The following MAL variants were observed in gnomAD, a reference collection of about 807,000 sequenced individuals.
MAL encodes the protein mal, T cell differentiation protein (MAL blood group).
Under a neutral mutation model 16.7 loss-of-function variants are expected in MAL, and 5 were observed. That is an observed-to-expected ratio of 0.30 (90% CI 0.16 to 0.63). The LOEUF (loss-of-function observed/expected upper bound fraction) is 0.63. Among genes scored for constraint, MAL ranks in the 30% least tolerant of loss-of-function variants. MAL has a pLI of 0.82. For missense variants in MAL, 202 were observed against 195.8 expected, an observed-to-expected ratio of 1.03 and a Z score of -0.19; for synonymous variants, 96 against 85.5, an observed-to-expected ratio of 1.12 and a Z score of -0.67.
chr2:95,053,810 G>C lies in MAL; in HGVS notation c.*355G>C, dbSNP rs940716070. On this transcript the variant is annotated 3_prime_UTR_variant, in exon 4 of 4. Coordinates refer to ENST00000309988, the MANE Select transcript of MAL (RefSeq NM_002371.4). ...TCTGCTGACCCCTGGAGCAGCTCTC[G>C]AGAACTACCTGTTGGTATTGTCCAC... 19 of 258,270 alleles carry C rather than the reference G, an allele frequency of 7.4e-5. No individual in the cohort carries two copies. Among genetic ancestry groups the C allele is most frequent in the Non-Finnish European group, 1.2e-4 (16 of 132,534 alleles). 16.0% of individuals were successfully genotyped at this position (258,270 alleles called of 1,614,324 possible).
chr2:95,044,306 T>C (rs1558660889), intron 1 of MAL: 1 of 152,236 alleles, frequency 6.6e-6, no homozygotes, highest in Non-Finnish European at 1.5e-5. Context: ...GTGATGACAA[T>C]GTTCCAAGAT....
At chr2:95,052,373 G>A (rs1674738287) in intron 3 of MAL, among the ~76,000 whole-genome samples, 2 of 152,300 alleles carry the variant, frequency 1.3e-5, no homozygotes, top group Admixed American at 1.3e-4. Flanking sequence ...CACCTTTTAT[G>A]GAGGGCTGCC....
At chr2:95,037,388 CTGAG>C (rs1324123754) in intron 1 of MAL, among the ~76,000 whole-genome samples, 5 of 86,394 alleles carry the variant, frequency 5.8e-5, no homozygotes, top group Middle Eastern at 0.01. Flanking sequence ...GAGTGATTGA[CTGAG>C]TGAGTGAGTG....
At position 95,053,302 on chromosome 2, in the gene MAL, G is replaced by A. The variant is rs537277954; in HGVS notation, c.388-79G>A. The A allele has an allele frequency of 9.6e-5, 95 of 985,574 alleles. No individual in the cohort carries two copies. In the South Asian group the frequency reaches 1.1e-3, roughly 12 times the overall value. The allele number at this position is 985,574 out of a possible 1,614,324, so 61.1% of individuals were successfully genotyped here. ...CTGGGTCTGGCCCCCCCTACGCCAC[G>A]TGGGGCTGGATGCAGTGCAGACGCT... On this transcript the variant is annotated intron_variant, in intron 3 of 3. Coordinates refer to ENST00000309988, the MANE Select transcript of MAL (RefSeq NM_002371.4).
At chr2:95,048,252 C>A in intron 2 of MAL, 126 bp downstream of exon 2, 1 of 1,047,436 alleles carries the variant, frequency 9.5e-7, no homozygotes, top group Non-Finnish European at 1.4e-6. Flanking sequence ...CACCATGTTC[C>A]AAGGCTGAGC....
chr2:95,039,180 G>T (rs1305627148), intron 1 of MAL, among the ~76,000 whole-genome samples: 2 of 135,858 alleles, frequency 1.5e-5, no homozygotes, highest in South Asian at 2.4e-4. Context: ...GAGTGACTTG[G>T]TGAGTGAGTG....
chr2:95,038,734 G>A (rs1190976255), intron 1 of MAL, among the ~76,000 whole-genome samples: 1 of 151,986 alleles, frequency 6.6e-6, no homozygotes, highest in Non-Finnish European at 1.5e-5. Flanking sequence ...GTAAGAGACT[G>A]AGTGAGTAAG....
chr2:95,039,179 GGTGA>G (rs1674365417), intron 1 of MAL, among the ~76,000 whole-genome samples: 1 of 47,158 alleles, frequency 2.1e-5, no homozygotes, highest in South Asian at 7.0e-4. Flanking sequence ...TGAGTGACTT[GGTGA>G]GTGAGTGAGT....
At chr2:95,041,526 T>A (rs1573296425) in intron 1 of MAL, among the ~76,000 whole-genome samples, 1 of 152,298 alleles carries the variant, frequency 6.6e-6, no homozygotes, top group East Asian at 1.9e-4. Flanking sequence ...CAACAAGCGC[T>A]TAGTGGCAGC....
At chr2:95,044,480 A>G (rs1465424696) in intron 1 of MAL, 2 of 152,282 alleles carry the variant, frequency 1.3e-5, no homozygotes, top group Non-Finnish European at 2.9e-5. Flanking sequence ...ACATACTGCT[A>G]TAAATATACC....
intron 1 of MAL, chr2:95,026,491 G>T (rs1673941078): frequency 7.2e-6 from 1 of 138,840 alleles, no homozygotes; most frequent in Admixed American, 7.1e-5. Context: ...GTGCGGGGTG[G>T]GGGTGGAGGA....
intron 1 of MAL, among the ~76,000 whole-genome samples, chr2:95,028,591 A>C (rs1047310997): frequency 6.6e-6 from 1 of 152,188 alleles, no homozygotes; most frequent in African/African-American, 2.4e-5. Flanking sequence ...GATTCCAAGC[A>C]GGGACTTTAG....
chr2:95,048,262 C>G (rs1178797943), intron 2 of MAL, 136 bp downstream of exon 2: 3 of 975,834 alleles, frequency 3.1e-6, no homozygotes, highest in Non-Finnish European at 4.5e-6. Context: ...CAAGGCTGAG[C>G]CTGCCCAGGG....
chr2:95,050,831 C>T (rs547417287), intron 3 of MAL, among the ~76,000 whole-genome samples: 85 of 152,306 alleles, frequency 5.6e-4, no homozygotes, highest in Non-Finnish European at 2.8e-4. Flanking sequence ...CCCAACATGG[C>T]TGGTTTCCAA....
intron 1 of MAL, among the ~76,000 whole-genome samples, chr2:95,030,787 TG>T (rs927503886): frequency 1.5e-4 from 23 of 152,030 alleles, no homozygotes; most frequent in Non-Finnish European, 2.6e-4. Context: ...GGGTTGGGGT[TG>T]GGGTGGGGAG....
rs1673925623 is a variant in MAL at position 95,025,974 on chromosome 2, T to C, written c.93+89T>C. The C allele has an allele frequency of 1.7e-6, 2 of 1,171,404 alleles. No individual in the cohort carries two copies. The highest frequency in any genetic ancestry group is 2.4e-5 in the Admixed American group (1 of 42,360). 72.6% of individuals were successfully genotyped at this position (1,171,404 alleles called of 1,614,324 possible). On this transcript the variant is annotated intron_variant, in intron 1 of 3. Coordinates refer to ENST00000309988, the MANE Select transcript of MAL (RefSeq NM_002371.4). This position sits in a 1 kb window ranked among gnomAD's most constrained non-coding sequence, Gnocchi z 5.6. ...AGCACAGCTGTCGGACGGGATCCGC[T>C]AGCTGCGCAGGTTCTGGGAGCATCG...
At chr2:95,052,960 C>T (rs756217100) in intron 3 of MAL, 10 of 166,100 alleles carry the variant, frequency 6.0e-5, no homozygotes, top group Non-Finnish European at 9.0e-5. Flanking sequence ...TATTTACAAT[C>T]TCTCAACCGA....
intron 2 of MAL, among the ~76,000 whole-genome samples, chr2:95,049,150 A>T (rs879045889): frequency 6.6e-6 from 1 of 152,154 alleles, no homozygotes; most frequent in Non-Finnish European, 1.5e-5. Flanking sequence ...AGGGGCCAAA[A>T]ATAAGCAATG....
Position 95,053,683 on chromosome 2 carries a change from C to A in MAL, c.*228C>A, listed in dbSNP as rs1674771570. 1 of 557,890 alleles carries A rather than the reference C, an allele frequency of 1.8e-6. No individual in the cohort carries two copies. Among genetic ancestry groups the A allele is most frequent in the Admixed American group, 3.0e-5 (1 of 32,862 alleles). 34.6% of individuals were successfully genotyped at this position (557,890 alleles called of 1,614,324 possible). A position where few individuals can be genotyped will look rare whatever the true frequency, so the allele number is the denominator to read the frequency against. ...GGAGCTTGCTGTGTCTAACCTCCAA[C>A]TGCTGTGCTGTCTGCTAGGGTCACC... is the stretch of plus-strand genomic sequence containing the variant. On this transcript the variant is annotated 3_prime_UTR_variant, in exon 4 of 4. Transcript: ENST00000309988.
Sources: allele counts gnomAD v4.1 joint callset (sites outside exome capture counted in the v4.1 genomes callset), GRCh38; gene constraint gnomAD v4.1.1; non-coding constraint Gnocchi (gnomAD v3.1); transcripts MANE v1.5; gene names NCBI Gene and HGNC (gene_info 2026-07-23, HGNC 2026-07-21).